The following NEGR1 variants were observed in gnomAD, a reference collection of about 807,000 sequenced individuals.
NEGR1 encodes neuronal growth regulator 1.
In NEGR1, 10 loss-of-function variants were observed where a neutral mutation model predicts 40.9. The ratio of observed to expected loss-of-function variants is 0.24; its 90% CI spans 0.15 to 0.42. The LOEUF is 0.42. Ranked by LOEUF, NEGR1 falls within the 10% of genes least tolerant of loss-of-function variation. NEGR1 has a pLI of 1.00. For missense variants in NEGR1, 352 were observed against 438.9 expected (o/e 0.80, Z 1.77); for synonymous variants, 185 against 166.8 (o/e 1.11, Z -0.84).
chr1:72,133,481 A>G (rs1481181511), intron 1 of NEGR1, among the ~76,000 whole-genome samples: 1 of 152,000 alleles, frequency 6.6e-6, no homozygotes, highest in South Asian at 2.1e-4. Flanking sequence ...GGTTTGTATT[A>G]AGCAATGGAA....
chr1:71,705,125 C>A (rs1031068945), intron 3 of NEGR1, among the ~76,000 whole-genome samples: 2 of 151,960 alleles, frequency 1.3e-5, no homozygotes, highest in African/African-American at 2.4e-5. Flanking sequence ...CCAAAGACTT[C>A]TATGAAAAAT....
In NEGR1 at chr1:71,615,758, C is replaced by G. The variant is rs35686045; in HGVS notation, c.668-4612G>C. ...TTGCAGATTTTGAGCAGAGGAGTGACATGATTTAGTTAAAATCCTACAGAG... is the reference window on the plus strand; with the variant it reads ...TTGCAGATTTTGAGCAGAGGAGTGAGATGATTTAGTTAAAATCCTACAGAG... On this transcript the variant is annotated intron_variant, in intron 4 of 6. Transcript: ENST00000357731. Among the ~76,000 whole-genome samples, 805 of 152,206 alleles carry G rather than the reference C, an allele frequency of 5.3e-3. 9 individuals are homozygous for G. Among genetic ancestry groups the G allele is most frequent in the Non-Finnish European group, 9.1e-3 (618 of 68,026 alleles).
At position 71,482,997 on chromosome 1, in the gene NEGR1, A is replaced by G. The variant is rs138752894; in HGVS notation, c.941-75427T>C. Among the ~76,000 whole-genome samples the G allele has an allele frequency of 1.4e-4, 22 of 151,906 alleles. No homozygotes were observed. The East Asian group carries it at 4.3e-3, about 30-fold the overall frequency. On this transcript the variant is annotated intron_variant, in intron 6 of 6. Coordinates refer to ENST00000357731, the MANE Select transcript of NEGR1 (RefSeq NM_173808.3). ...CATTAATCAGGGATGGGAAATTAAGAGTGGTAGGTGGGATGCAGCTGGAAA... is the reference window on the plus strand; with the variant it reads ...CATTAATCAGGGATGGGAAATTAAGGGTGGTAGGTGGGATGCAGCTGGAAA...
chr1:72,105,747 G>C (rs1384616073), intron 1 of NEGR1, among the ~76,000 whole-genome samples: 1 of 152,000 alleles, frequency 6.6e-6, no homozygotes, highest in African/African-American at 2.4e-5. Flanking sequence ...CAAAGGAATG[G>C]GTAGGGAAAG....
intron 1 of NEGR1, among the ~76,000 whole-genome samples, chr1:72,076,890 CTTTTTTTT>C (rs56943357): frequency 9.8e-6 from 1 of 101,694 alleles, no homozygotes; most frequent in Non-Finnish European, 1.8e-5. Flanking sequence ...CTCATTTATC[CTTTTTTTT>C]TTTTTTTTTT....
intron 1 of NEGR1, among the ~76,000 whole-genome samples, chr1:72,236,651 G>A (rs1462033408): frequency 6.6e-6 from 1 of 151,878 alleles, no homozygotes; most frequent in Non-Finnish European, 1.5e-5. Context: ...TTTCCATTCT[G>A]TAAAAGAGGA....
rs368770335 is a variant in NEGR1, at chr1:72,000,487, T to A, written c.177-65176A>T. ...TCAAAAATATAAATGCTATACTCTT[T>A]ACCAAAAATACAATTTGAAAAGTGA... is the stretch of plus-strand genomic sequence containing the variant. On this transcript the variant is annotated intron_variant, in intron 1 of 6. Coordinates refer to ENST00000357731, the MANE Select transcript of NEGR1 (RefSeq NM_173808.3). Among the ~76,000 whole-genome samples the A allele has an allele frequency of 1.5e-3, 236 of 152,280 alleles. 3 individuals carry two copies. The highest frequency in any genetic ancestry group is 2.0e-3 in the Non-Finnish European group (137 of 67,994).
intron 1 of NEGR1, among the ~76,000 whole-genome samples, chr1:71,967,756 G>A (rs545452364): frequency 3.9e-5 from 6 of 152,094 alleles, no homozygotes; most frequent in South Asian, 4.2e-4. Context: ...TAAATAATCC[G>A]GAAGCACTAC....
intron 3 of NEGR1, among the ~76,000 whole-genome samples, chr1:71,706,269 C>T (rs970381689): frequency 6.6e-6 from 1 of 152,062 alleles, no homozygotes; most frequent in African/African-American, 2.4e-5. Flanking sequence ...GATGCCCATC[C>T]GCAGAAGGAG....
At chr1:71,673,226 A>C (rs1431129450) in intron 4 of NEGR1, among the ~76,000 whole-genome samples, 3 of 152,120 alleles carry the variant, frequency 2.0e-5, no homozygotes, top group African/African-American at 7.2e-5. Flanking sequence ...CTCCAAAAAA[A>C]AACAACCCAA....
intron 6 of NEGR1, among the ~76,000 whole-genome samples, chr1:71,456,699 T>A (rs937179342): frequency 2.0e-5 from 3 of 152,178 alleles, no homozygotes; most frequent in Non-Finnish European, 2.9e-5. Flanking sequence ...ATTCAAAAAA[T>A]TCCACTAATT....
At chr1:71,675,126 T>TATATATATAC (rs145354058) in intron 4 of NEGR1, among the ~76,000 whole-genome samples, 7 of 77,792 alleles carry the variant, frequency 9.0e-5, no homozygotes, top group East Asian at 4.1e-4. Context: ...TATATATATA[T>TATATATATAC]ACACACACAC....
intron 2 of NEGR1, among the ~76,000 whole-genome samples, chr1:71,914,601 T>C (rs1156239042): frequency 1.3e-5 from 2 of 152,170 alleles, no homozygotes; most frequent in Non-Finnish European, 2.9e-5. Context: ...CCTAGAGAAA[T>C]GTGGGGGTGT....
intron 4 of NEGR1, among the ~76,000 whole-genome samples, chr1:71,676,577 G>A (rs1652644352): frequency 6.6e-6 from 1 of 152,112 alleles, no homozygotes; most frequent in African/African-American, 2.4e-5. Context: ...TTCTTCAACC[G>A]TTGTTGGGTG....
At chr1:72,231,528 G>T (rs1480992745) in intron 1 of NEGR1, among the ~76,000 whole-genome samples, 2 of 152,074 alleles carry the variant, frequency 1.3e-5, no homozygotes, top group African/African-American at 2.4e-5. Flanking sequence ...TACAACTATA[G>T]TATTATGTGT....
intron 1 of NEGR1, among the ~76,000 whole-genome samples, chr1:72,041,807 T>C (rs571220448): frequency 1.8e-4 from 27 of 147,074 alleles, no homozygotes; most frequent in African/African-American, 6.4e-4. Context: ...TAAATATATA[T>C]GTAATATTTA....
chr1:71,899,157 G>C (rs962712371), intron 2 of NEGR1, among the ~76,000 whole-genome samples: 2 of 151,140 alleles, frequency 1.3e-5, no homozygotes, highest in Non-Finnish European at 2.9e-5. Flanking sequence ...TTCAACCTTT[G>C]TCCCCTCCAC....
intron 4 of NEGR1, among the ~76,000 whole-genome samples, chr1:71,694,639 T>C (rs1557616525): frequency 6.6e-6 from 1 of 151,764 alleles, no homozygotes; most frequent in Non-Finnish European, 1.5e-5. Flanking sequence ...ATTTATTGTA[T>C]ATGTATATTT....
intron 6 of NEGR1, among the ~76,000 whole-genome samples, chr1:71,453,485 G>A (rs1557531379): frequency 6.6e-6 from 1 of 152,110 alleles, no homozygotes; most frequent in Non-Finnish European, 1.5e-5. Flanking sequence ...CAATGCCCAA[G>A]ATATAAATAA....
Sources: allele counts gnomAD v4.1 joint callset (sites outside exome capture counted in the v4.1 genomes callset), GRCh38; gene constraint gnomAD v4.1.1; transcripts MANE v1.5; gene names NCBI Gene and HGNC (gene_info 2026-07-23, HGNC 2026-07-21).